Variants in PPP2R5A observed in about 807,000 individuals in gnomAD.
The protein encoded by PPP2R5A is protein phosphatase 2 regulatory subunit B'alpha, also known as serine/threonine-protein phosphatase 2A 56 kDa regulatory subunit alpha isoform.
Under a neutral mutation model 64.2 loss-of-function variants are expected in PPP2R5A, and 25 were observed. The observed-to-expected ratio is 0.39, with a 90% CI of 0.28 to 0.54. The LOEUF (loss-of-function observed/expected upper bound fraction) is 0.54. Among genes scored for constraint, PPP2R5A ranks in the 20% least tolerant of loss-of-function variants. The pLI, the probability that PPP2R5A is intolerant of heterozygous loss-of-function variation, is 0.67. For missense variants in PPP2R5A, 425 were observed against 576.3 expected (o/e 0.74, Z 2.69); for synonymous variants, 198 against 201.2 (o/e 0.98, Z 0.13).
intron 1 of PPP2R5A, among the ~76,000 whole-genome samples, chr1:212,311,391 C>T (rs548008429): frequency 6.6e-6 from 1 of 152,120 alleles, no homozygotes; most frequent in South Asian, 2.1e-4. Context: ...ATGGCATGAA[C>T]CCGGGAGGCG....
intron 1 of PPP2R5A, among the ~76,000 whole-genome samples, chr1:212,324,136 T>C (rs1016272089): frequency 6.6e-6 from 1 of 152,160 alleles, no homozygotes; most frequent in Non-Finnish European, 1.5e-5. Flanking sequence ...GATGGGGCTA[T>C]GTAATGAGAA....
chr1:212,341,859 C>T (rs1395053933), intron 3 of PPP2R5A, among the ~76,000 whole-genome samples: 1 of 152,038 alleles, frequency 6.6e-6, no homozygotes, highest in African/African-American at 2.4e-5. Flanking sequence ...CTACCTCAGC[C>T]TCCCAGTAGC....
At chr1:212,356,469 A>C (rs1380505169) in intron 8 of PPP2R5A, among the ~76,000 whole-genome samples, 157 bp from the exon 9 acceptor site, 2 of 152,252 alleles carry the variant, frequency 1.3e-5, no homozygotes, top group Non-Finnish European at 2.9e-5. Flanking sequence ...TGAATTAATA[A>C]AATTCTAAAG....
intron 3 of PPP2R5A, among the ~76,000 whole-genome samples, chr1:212,336,948 C>T (rs1659601787): frequency 6.6e-6 from 1 of 152,100 alleles, no homozygotes; most frequent in Non-Finnish European, 1.5e-5. Flanking sequence ...AATCTCAAAA[C>T]CTTTCAAGCC....
intron 1 of PPP2R5A, among the ~76,000 whole-genome samples, chr1:212,287,591 T>C (rs1658526578): frequency 6.6e-6 from 1 of 152,204 alleles, no homozygotes; most frequent in Non-Finnish European, 1.5e-5. Flanking sequence ...TGAACAGAGA[T>C]TTTGAGATAT....
chr1:212,345,665 C>T (rs1659764544), intron 4 of PPP2R5A, 138 bp from the exon 5 acceptor site: 1 of 682,178 alleles, frequency 1.5e-6, no homozygotes, highest in African/African-American at 1.9e-5. Flanking sequence ...CATTACTTAG[C>T]AAGAATAAAG....
chr1:212,356,890 T>G (rs1659986475), intron 9 of PPP2R5A, 60 bp from the exon 10 acceptor site: 2 of 1,397,756 alleles, frequency 1.4e-6, no homozygotes, highest in South Asian at 2.8e-5. Context: ...ATTTGTATGG[T>G]TTCTATATTA....
intron 8 of PPP2R5A, among the ~76,000 whole-genome samples, chr1:212,354,725 TGA>T (rs67572683): frequency 0.35 from 51,178 of 146,900 alleles, 9,672 homozygotes; most frequent in East Asian, 0.48. Flanking sequence ...AGAGAAATGT[TGA>T]GAGAGAGAGA....
chr1:212,334,483 G>C (rs1432431612), intron 3 of PPP2R5A, among the ~76,000 whole-genome samples: 1 of 152,028 alleles, frequency 6.6e-6, no homozygotes, highest in Non-Finnish European at 1.5e-5. Context: ...TAGTAGAGAT[G>C]GGGTTTTGCC....
chr1:212,296,642 C>T (rs966880185), intron 1 of PPP2R5A, among the ~76,000 whole-genome samples: 3 of 152,172 alleles, frequency 2.0e-5, no homozygotes, highest in African/African-American at 7.2e-5. Flanking sequence ...GGTTAAAGTG[C>T]CTGCTTTTTG....
intron 1 of PPP2R5A, among the ~76,000 whole-genome samples, chr1:212,323,802 G>A (rs913412550): frequency 3.9e-5 from 6 of 152,042 alleles, no homozygotes; most frequent in African/African-American, 1.2e-4. Flanking sequence ...GGCTGGGCAC[G>A]GTGGCTCACG....
intron 1 of PPP2R5A, among the ~76,000 whole-genome samples, chr1:212,306,496 T>A (rs1003231173): frequency 1.3e-5 from 2 of 152,208 alleles, no homozygotes; most frequent in Non-Finnish European, 2.9e-5. Flanking sequence ...ATTTAAGATA[T>A]GAGACAAAAG....
intron 1 of PPP2R5A, 109 bp downstream of exon 1, chr1:212,286,400 G>A: frequency 8.0e-7 from 1 of 1,247,238 alleles, no homozygotes; most frequent in East Asian, 3.1e-5. Context: ...GTTGGGACTG[G>A]TAGTGTGTGA....
intron 3 of PPP2R5A, among the ~76,000 whole-genome samples, chr1:212,337,650 G>A (rs1214165400): frequency 6.6e-6 from 1 of 152,084 alleles, no homozygotes; most frequent in Non-Finnish European, 1.5e-5. Context: ...ATATAAGGTT[G>A]AGAAATACTT....
chr1:212,293,806 C>G (rs1168751077), intron 1 of PPP2R5A, among the ~76,000 whole-genome samples: 1 of 151,996 alleles, frequency 6.6e-6, no homozygotes, highest in Non-Finnish European at 1.5e-5. Context: ...ACTATATAAC[C>G]TTACTGTGAT....
chr1:212,347,469 C>T lies in PPP2R5A; in HGVS notation c.764+63C>T, dbSNP rs544054196. ...AAGTGAATGTTTTATGTATTAAAAT[C>T]TTAGCTGGGGTTGGAGAAATTATGT... is the stretch of plus-strand genomic sequence containing the variant. On this transcript the variant is annotated intron_variant, in intron 6 of 12. Coordinates refer to ENST00000261461, the MANE Select transcript of PPP2R5A (RefSeq NM_006243.4). 4.6e-4 allele frequency: 574 copies of T among 1,241,092 alleles called. 2 individuals carry two copies. The Middle Eastern group carries it at 6.0e-3, about 13-fold the overall frequency. 76.9% of individuals were successfully genotyped at this position (1,241,092 alleles called of 1,614,324 possible).
In PPP2R5A at chr1:212,360,329, G is replaced by A. The variant is rs1194269762; in HGVS notation, c.1329-309G>A. Among the ~76,000 whole-genome samples the A allele has an allele frequency of 2.0e-5, 3 of 152,180 alleles. No individual in the cohort carries two copies. In the East Asian group the frequency reaches 5.8e-4, roughly 29 times the overall value. ...GATTAGACTACTACAACTGCAAGATGTTTACGTGAGAAAATTGACGTGTAA... is the reference window on the plus strand; with the variant it reads ...GATTAGACTACTACAACTGCAAGATATTTACGTGAGAAAATTGACGTGTAA... On this transcript the variant is annotated intron_variant, in intron 12 of 12. Transcript: ENST00000261461.
chr1:212,322,243 A>T (rs1471348338), intron 1 of PPP2R5A, among the ~76,000 whole-genome samples: 1 of 81,282 alleles, frequency 1.2e-5, no homozygotes, highest in African/African-American at 8.3e-5. Context: ...GGAGAGGGAG[A>T]GGAGGGAGAG....
At chr1:212,312,847 A>G (rs1301953805) in intron 1 of PPP2R5A, among the ~76,000 whole-genome samples, 1 of 152,234 alleles carries the variant, frequency 6.6e-6, no homozygotes, top group Non-Finnish European at 1.5e-5. Context: ...AACAAATTGA[A>G]TTTGAAATAT....
Sources: allele counts gnomAD v4.1 joint callset (sites outside exome capture counted in the v4.1 genomes callset), GRCh38; gene constraint gnomAD v4.1.1; transcripts MANE v1.5; gene names NCBI Gene and HGNC (gene_info 2026-07-23, HGNC 2026-07-21).